The following GRK4 variants were observed in gnomAD, a reference collection of about 807,000 sequenced individuals.
GRK4 encodes G protein-coupled receptor kinase 4, also known as G protein-coupled receptor kinase 2-like.
GRK4 carries 73 observed loss-of-function variants against 77.9 expected under a neutral mutation model. The observed-to-expected ratio is 0.94, with a 90% CI of 0.78 to 1.14. The LOEUF (loss-of-function observed/expected upper bound fraction) is 1.14. GRK4 is among the 50% of genes most tolerant of loss of function. The probability of loss-of-function intolerance (pLI) is 0.00; values close to 1 mark genes in which losing one functional copy is unlikely to be tolerated. For missense variants in GRK4, 729 were observed against 700.2 expected (o/e 1.04, Z -0.46); for synonymous variants, 257 against 254.4 (o/e 1.01, Z -0.10).
chr4:3,022,531 G>A (rs1161304588), intron 10 of GRK4, 80 bp downstream of exon 10: 3 of 1,242,316 alleles, frequency 2.4e-6, no homozygotes, highest in South Asian at 2.5e-5. Context: ...TGCAGAAAGT[G>A]GACTTAATGA....
intron 1 of GRK4, among the ~76,000 whole-genome samples, chr4:2,972,393 G>A (rs144254983): frequency 2.0e-5 from 3 of 152,210 alleles, no homozygotes; most frequent in East Asian, 1.9e-4. Context: ...GAGTATGACC[G>A]GGCCCGGGCC....
chr4:2,975,263 A>G (rs1416830576), intron 1 of GRK4, among the ~76,000 whole-genome samples: 2 of 152,140 alleles, frequency 1.3e-5, no homozygotes, highest in African/African-American at 4.8e-5. Flanking sequence ...AGATCACACC[A>G]CTGCACTCCA....
intron 10 of GRK4, among the ~76,000 whole-genome samples, chr4:3,023,520 C>T (rs1736640087): frequency 6.6e-6 from 1 of 152,162 alleles, no homozygotes; most frequent in South Asian, 2.1e-4. Context: ...CTGCCAGATG[C>T]TTTCATGCTT....
At chr4:3,019,500 T>G (rs1202471756) in intron 8 of GRK4, 141 bp from the exon 9 acceptor site, 1 of 755,562 alleles carries the variant, frequency 1.3e-6, no homozygotes. Flanking sequence ...ATATGTCCTG[T>G]ACATTTCTCT....
In GRK4 at chr4:2,988,075, C is replaced by CAAAAAAAAAAAAAAAA. The variant is rs67664476; in HGVS notation, c.149-643_149-628dup. On this transcript the variant is annotated intron_variant, in intron 2 of 15. Transcript: ENST00000398052. ...TGGATGACAGAGTGAGGCTCTGTCT[C>CAAAAAAAAAAAAAAAA]AAAAAAAAAAAAAAAAAAAAAAAAG... is the stretch of plus-strand genomic sequence containing the variant. Among the ~76,000 whole-genome samples the CAAAAAAAAAAAAAAAA allele has an allele frequency of 3.4e-3, 116 of 33,662 alleles. 1 individual carries two copies. The highest frequency in any genetic ancestry group is 5.0e-3 in the African/African-American group (43 of 8,680). 22.1% of individuals were successfully genotyped at this position (33,662 alleles called of 152,430 possible).
At chr4:2,970,131 C>T (rs1270555576) in intron 1 of GRK4, among the ~76,000 whole-genome samples, 1 of 152,192 alleles carries the variant, frequency 6.6e-6, no homozygotes, top group African/African-American at 2.4e-5. Flanking sequence ...TTTCCCTAAG[C>T]AATAATGTCT....
At chr4:3,002,575 G>T (rs1040853418) in intron 4 of GRK4, among the ~76,000 whole-genome samples, 6 of 152,170 alleles carry the variant, frequency 3.9e-5, no homozygotes, top group Non-Finnish European at 7.4e-5. Flanking sequence ...GTGGTGGCGG[G>T]CACCTGTAAT....
chr4:3,004,434 G>A (rs530464221), intron 5 of GRK4, 100 bp downstream of exon 5: 1 of 716,068 alleles, frequency 1.4e-6, no homozygotes, highest in South Asian at 1.8e-5. Flanking sequence ...TTCCTAGAGT[G>A]TAGTTGACCC....
chr4:2,985,984 C>CAAAAAAAAAAAAAAAAAAA lies in GRK4; in HGVS notation c.148+1378_148+1396dup, dbSNP rs1181104072. ...TGGGTGACAGAACAAGACTCCGTCT[C>CAAAAAAAAAAAAAAAAAAA]AAAAAAAAAAAAAAAAAAAAGAAGT... On this transcript the variant is annotated intron_variant, in intron 2 of 15. Coordinates refer to ENST00000398052, the MANE Select transcript of GRK4 (RefSeq NM_182982.3). Among the ~76,000 whole-genome samples, 3 of 91,698 alleles carry CAAAAAAAAAAAAAAAAAAA rather than the reference C, an allele frequency of 3.3e-5. 1 individual carries two copies. The highest frequency in any genetic ancestry group is 2.3e-5 in the Non-Finnish European group (1 of 44,176). The allele number at this position is 91,698 out of a possible 152,430, so 60.2% of individuals were successfully genotyped here. A position where few individuals can be genotyped will look rare whatever the true frequency, so the allele number is the denominator to read the frequency against.
intron 11 of GRK4, among the ~76,000 whole-genome samples, 154 bp downstream of exon 11, chr4:3,028,155 G>A (rs1281902485): frequency 6.6e-6 from 1 of 152,208 alleles, no homozygotes; most frequent in African/African-American, 2.4e-5. Flanking sequence ...CTGTCAGAGT[G>A]TTGAGGCTGC....
intron 2 of GRK4, 24 bp downstream of exon 2, chr4:2,984,632 G>A (rs762623060): frequency 7.0e-6 from 9 of 1,294,508 alleles, no homozygotes; most frequent in Non-Finnish European, 8.8e-6. Context: ...GCCTACTAAT[G>A]CTTGGATGGT....
Position 3,018,942 on chromosome 4 carries a change from C to T in GRK4, c.742-699C>T, listed in dbSNP as rs746066574. Among the ~76,000 whole-genome samples the T allele has an allele frequency of 3.9e-5, 6 of 152,090 alleles. 1 individual carries two copies. The highest frequency in any genetic ancestry group is 2.1e-4 in the South Asian group (1 of 4,812). The stretch of plus-strand genomic sequence containing the variant: ...GACCATGTTCCCAGATTGGAAGACC[C>T]GATGCTGTAAAGATGCTGGTTTTCC... On this transcript the variant is annotated intron_variant, in intron 8 of 15. Transcript: ENST00000398052.
chr4:2,982,755 C>A (rs1218834432), intron 1 of GRK4, among the ~76,000 whole-genome samples: 1 of 152,062 alleles, frequency 6.6e-6, no homozygotes, highest in African/African-American at 2.4e-5. Flanking sequence ...AGCCTTTTTT[C>A]AGTGCCTACT....
At chr4:2,997,400 G>C (rs930854541) in intron 4 of GRK4, among the ~76,000 whole-genome samples, 11 of 152,148 alleles carry the variant, frequency 7.2e-5, no homozygotes, top group Non-Finnish European at 1.3e-4. Context: ...AAAGCACTGA[G>C]CAAACTAGGA....
intron 5 of GRK4, 116 bp downstream of exon 5, chr4:3,004,450 C>T (rs909247480): frequency 4.8e-6 from 3 of 620,790 alleles, no homozygotes; most frequent in African/African-American, 3.7e-5. Context: ...GACCCTTGAA[C>T]AACATGGGCA....
chr4:3,027,787 T>C, intron 10 of GRK4, 125 bp from the exon 11 acceptor site: 3 of 713,436 alleles, frequency 4.2e-6, no homozygotes, highest in Non-Finnish European at 2.4e-6. Flanking sequence ...CGTTTACTGT[T>C]CCAGAGTATG....
At chr4:2,990,631 G>A (rs1241697465) in intron 3 of GRK4, among the ~76,000 whole-genome samples, 1 of 152,124 alleles carries the variant, frequency 6.6e-6, no homozygotes, top group African/African-American at 2.4e-5. Flanking sequence ...AACCCTGGGT[G>A]TAAGTTCTCA....
At chr4:3,034,179 C>T (rs1739945930) in intron 12 of GRK4, among the ~76,000 whole-genome samples, 1 of 152,092 alleles carries the variant, frequency 6.6e-6, no homozygotes, top group Admixed American at 6.5e-5. Context: ...AAAGCTAAAA[C>T]CTGAAGAATT....
intron 1 of GRK4, among the ~76,000 whole-genome samples, chr4:2,968,784 CAG>C (rs376959533): frequency 3.3e-5 from 5 of 152,254 alleles, no homozygotes; most frequent in African/African-American, 1.2e-4. Flanking sequence ...TAGTTTTAGA[CAG>C]GGGGCTGCTG....
Sources: allele counts gnomAD v4.1 joint callset (sites outside exome capture counted in the v4.1 genomes callset), GRCh38; gene constraint gnomAD v4.1.1; transcripts MANE v1.5; gene names NCBI Gene and HGNC (gene_info 2026-07-23, HGNC 2026-07-21).